SEC62: variants seen among roughly 807,000 people sequenced by gnomAD.
The protein encoded by SEC62 is SEC62 preprotein translocation factor, also known as translocation protein SEC62.
SEC62 carries 10 observed loss-of-function variants against 47.5 expected under a neutral mutation model. That is an observed-to-expected ratio of 0.21 (90% CI 0.13 to 0.36). The LOEUF (loss-of-function observed/expected upper bound fraction) is 0.36. SEC62 is among the 10% of genes least tolerant of loss of function. The pLI is 1.00. For missense variants in SEC62, 327 were observed against 464.1 expected (o/e 0.70, Z 2.71); for synonymous variants, 136 against 150.5 (o/e 0.90, Z 0.71).
chr3:169,971,695 T>C (rs966852783), intron 1 of SEC62, among the ~76,000 whole-genome samples: 1 of 152,228 alleles, frequency 6.6e-6, no homozygotes, highest in Non-Finnish European at 1.5e-5. Flanking sequence ...TGCATACATA[T>C]CAGGTTCCCT....
intron 1 of SEC62, among the ~76,000 whole-genome samples, chr3:169,974,984 T>C (rs1714796034): frequency 6.6e-6 from 1 of 152,158 alleles, no homozygotes; most frequent in Non-Finnish European, 1.5e-5. Flanking sequence ...TTGTGGCTTA[T>C]AAAAAGAGAC....
chr3:169,973,407 A>T (rs1277625276), intron 1 of SEC62, among the ~76,000 whole-genome samples: 2 of 152,302 alleles, frequency 1.3e-5, no homozygotes, highest in African/African-American at 4.8e-5. Context: ...TACGCCTGTA[A>T]TCCCAAGACT....
rs1310430988 is a variant in SEC62, at chr3:169,988,353, G to T, written c.724G>T (p.Ala242Ser). 6.2e-7 allele frequency: 1 copy of T among 1,613,344 alleles called. No homozygotes were observed. The highest frequency in any genetic ancestry group is 8.5e-7 in the Non-Finnish European group (1 of 1,179,522). Residue 242 changes from alanine to serine, a missense_variant, in exon 7 of 8, where the codon GCT (alanine) becomes TCT (serine). By Grantham distance (99) the Ala-to-Ser change is moderately conservative (BLOSUM62 1). This residue lies in a region of SEC62 where 99 missense variants were observed against 194.0 expected (regional missense o/e 0.51). Transcript: ENST00000337002. The stretch of plus-strand genomic sequence containing the variant: ...TTTTGTAGCCAGTATTCTTCTCCTT[G>T]CTGTTGGTAAGTATTGTTATTATAA... ...GCFVASILLLAVARCILFLII... is the reference protein window; with the variant it reads ...GCFVASILLLSVARCILFLII...
At chr3:169,986,315 C>T (rs1270861911) in intron 6 of SEC62, among the ~76,000 whole-genome samples, 1 of 152,192 alleles carries the variant, frequency 6.6e-6, no homozygotes, top group Non-Finnish European at 1.5e-5. Context: ...AGTGACCCAG[C>T]AATTCTAGGC....
intron 5 of SEC62, chr3:169,985,027 C>T (rs1715069472): frequency 6.6e-6 from 1 of 152,032 alleles, no homozygotes; most frequent in Non-Finnish European, 1.5e-5. Context: ...GTCATAGAGA[C>T]TATGTTCACC....
intron 1 of SEC62, among the ~76,000 whole-genome samples, chr3:169,971,927 A>G (rs1161894180): frequency 6.6e-6 from 1 of 152,210 alleles, no homozygotes; most frequent in East Asian, 1.9e-4. Flanking sequence ...TTCTGTTGAT[A>G]AAGTTGGAAA....
At position 169,996,847 on chromosome 3, in the gene SEC62, A is replaced by G. The variant is rs901373237; in HGVS notation, c.*3784A>G. The G allele has an allele frequency of 1.3e-5, 2 of 152,162 alleles. No homozygotes were observed. Among genetic ancestry groups the G allele is most frequent in the African/African-American group, 4.8e-5 (2 of 41,440 alleles). 9.4% of individuals were successfully genotyped at this position (152,162 alleles called of 1,614,324 possible). ...ACTGTGCTTCCTCTTTGGGTAGCCT[A>G]TACCTATACTTATCTCCTCATAATA... On this transcript the variant is annotated 3_prime_UTR_variant, in exon 8 of 8. Transcript: ENST00000337002.
intron 1 of SEC62, among the ~76,000 whole-genome samples, chr3:169,971,551 A>G (rs1714698346): frequency 6.6e-6 from 1 of 152,228 alleles, no homozygotes. Flanking sequence ...GTTGGGAGAG[A>G]TTATCCAAGT....
chr3:169,989,145 G>A (rs1404898316), intron 7 of SEC62, among the ~76,000 whole-genome samples: 1 of 150,774 alleles, frequency 6.6e-6, no homozygotes, highest in East Asian at 2.0e-4. Flanking sequence ...CCAAGCTGAA[G>A]TGCAGTGGTG....
intron 3 of SEC62, among the ~76,000 whole-genome samples, chr3:169,978,762 C>T (rs560525413): frequency 6.6e-6 from 1 of 152,200 alleles, no homozygotes; most frequent in Non-Finnish European, 1.5e-5. Context: ...CCTTACCTGC[C>T]ACAAAACTGA....
At chr3:169,987,743 CA>C in intron 6 of SEC62, among the ~76,000 whole-genome samples, 1 of 152,168 alleles carries the variant, frequency 6.6e-6, no homozygotes, top group East Asian at 1.9e-4. Context: ...CCCTAAGCAC[CA>C]AAAAATACAT....
At chr3:169,987,888 CCTTA>C (rs1333113214) in intron 6 of SEC62, among the ~76,000 whole-genome samples, 5 of 152,082 alleles carry the variant, frequency 3.3e-5, no homozygotes, top group South Asian at 2.1e-4. Flanking sequence ...CTTTTAGCTC[CCTTA>C]CTTAGTAGGC....
At chr3:169,986,064 A>G (rs1458522648) in intron 6 of SEC62, among the ~76,000 whole-genome samples, 199 bp downstream of exon 6, 2 of 152,216 alleles carry the variant, frequency 1.3e-5, no homozygotes, top group South Asian at 2.1e-4. Flanking sequence ...GAGATTAACA[A>G]ACTGATAGAA....
At chr3:169,973,530 G>A (rs542574606) in intron 1 of SEC62, among the ~76,000 whole-genome samples, 3 of 152,098 alleles carry the variant, frequency 2.0e-5, no homozygotes, top group South Asian at 4.1e-4. Context: ...GGACATGGTG[G>A]TGGGCACCTG....
chr3:169,992,575 G>T lies in SEC62; in HGVS notation c.731-19G>T, dbSNP rs2160898. 0.2 allele frequency: 322,319 copies of T among 1,573,038 alleles called. 34,809 individuals carry two copies. The highest frequency in any genetic ancestry group is 0.3 in the East Asian group (13,380 of 44,612). On this transcript the variant is annotated intron_variant, in intron 7 of 7. Transcript: ENST00000337002. The surrounding 1 kb of genome is among the most constrained non-coding windows in gnomAD (Gnocchi z 4.0). ...GCAGTGTTTGAATTACTCAATTAGA[G>T]AAATTTTTCTCCCCACAGCTCGATG...
At chr3:169,986,710 C>T (rs1045281145) in intron 6 of SEC62, among the ~76,000 whole-genome samples, 6 of 152,038 alleles carry the variant, frequency 3.9e-5, no homozygotes, top group Admixed American at 3.9e-4. Context: ...TAGATGAAGA[C>T]TTAATTTTCT....
At chr3:169,976,273 T>C (rs1380698282) in intron 2 of SEC62, among the ~76,000 whole-genome samples, 2 of 151,796 alleles carry the variant, frequency 1.3e-5, no homozygotes, top group Admixed American at 1.3e-4. Context: ...GCCTCTGAAG[T>C]GAGAGGATGG....
intron 3 of SEC62, among the ~76,000 whole-genome samples, chr3:169,977,425 T>C (rs1714863561): frequency 6.6e-6 from 1 of 152,150 alleles, no homozygotes; most frequent in Non-Finnish European, 1.5e-5. Flanking sequence ...GCTACTTTTT[T>C]AGTGCCTGCA....
chr3:169,971,232 C>G (rs1339423706), intron 1 of SEC62, among the ~76,000 whole-genome samples: 1 of 152,004 alleles, frequency 6.6e-6, no homozygotes, highest in Non-Finnish European at 1.5e-5. Context: ...ACCACCTCAC[C>G]TAGCTAATTT....
Sources: allele counts gnomAD v4.1 joint callset (sites outside exome capture counted in the v4.1 genomes callset), GRCh38; gene constraint gnomAD v4.1.1; regional missense constraint gnomAD v4.1.1; non-coding constraint Gnocchi (gnomAD v3.1); transcripts MANE v1.5; gene names NCBI Gene and HGNC (gene_info 2026-07-23, HGNC 2026-07-21).